Variants in RXRA observed in about 807,000 individuals in gnomAD.
RXRA encodes the protein retinoic acid receptor RXR-alpha.
In RXRA, 5 loss-of-function variants were observed where a neutral mutation model predicts 44.5. That is an observed-to-expected ratio of 0.11 (90% CI 0.06 to 0.24). The LOEUF (loss-of-function observed/expected upper bound fraction) is 0.24, where lower values mean the gene tolerates loss of function less well. RXRA is among the 10% of genes least tolerant of loss of function. The pLI, the probability that RXRA is intolerant of heterozygous loss-of-function variation, is 1.00. For missense variants in RXRA, 412 were observed against 646.5 expected, an observed-to-expected ratio of 0.64 and a Z score of 3.93; for synonymous variants, 291 against 271.4, an observed-to-expected ratio of 1.07 and a Z score of -0.71.
chr9:134,416,964 C>T (rs376340875), intron 4 of RXRA, among the ~76,000 whole-genome samples, 194 bp from the exon 5 acceptor site: 2 of 152,314 alleles, frequency 1.3e-5, no homozygotes, highest in East Asian at 1.9e-4. Flanking sequence ...GAGTTGGCCT[C>T]TGTTCTCAGA....
At position 134,409,134 on chromosome 9, in the gene RXRA, C is replaced by T. The variant is rs774221012; in HGVS notation, c.610+15C>T. The T allele has an allele frequency of 4.1e-5, 63 of 1,532,210 alleles. No homozygotes were observed. Among genetic ancestry groups the T allele is most frequent in the Admixed American group, 2.2e-4 (11 of 49,582 alleles). The allele number at this position is 1,532,210 out of a possible 1,614,324, so 94.9% of individuals were successfully genotyped here. On this transcript the variant is annotated intron_variant, in intron 4 of 9. Transcript: ENST00000481739. ...GAAGCGGGAAGGTAGGCCACGGCGTCGGGTGGGGGCGCGGGCAGGTGTTGG... is the reference window on the plus strand; with the variant it reads ...GAAGCGGGAAGGTAGGCCACGGCGTTGGGTGGGGGCGCGGGCAGGTGTTGG...
chr9:134,398,853 A>G (rs72768799), intron 1 of RXRA, among the ~76,000 whole-genome samples: 1,838 of 152,360 alleles, frequency 0.012, 15 homozygotes, highest in Non-Finnish European at 0.021. Context: ...CGGCTTCTGA[A>G]TGCAGTGCTG....
intron 1 of RXRA, among the ~76,000 whole-genome samples, chr9:134,384,449 C>T (rs1830690286): frequency 6.6e-6 from 1 of 152,214 alleles, no homozygotes; most frequent in Admixed American, 6.5e-5. Context: ...GCAGTGGAGA[C>T]ACCAGCAAGC....
chr9:134,374,391 T>C (rs1189680428), intron 1 of RXRA, among the ~76,000 whole-genome samples: 1 of 152,212 alleles, frequency 6.6e-6, no homozygotes, highest in East Asian at 1.9e-4. Flanking sequence ...AGGGTGGCTC[T>C]GGTCCCCAGC....
At chr9:134,386,537 G>A (rs1049160506) in intron 1 of RXRA, among the ~76,000 whole-genome samples, 1 of 152,210 alleles carries the variant, frequency 6.6e-6, no homozygotes, top group African/African-American at 2.4e-5. Flanking sequence ...GGGAGGTATG[G>A]GGGCCAGGTC....
intron 1 of RXRA, among the ~76,000 whole-genome samples, chr9:134,346,359 C>T (rs1830151856): frequency 6.6e-6 from 1 of 152,176 alleles, no homozygotes; most frequent in South Asian, 2.1e-4. Flanking sequence ...CCCAAATGCC[C>T]TTCTGCCGTT....
At chr9:134,386,832 G>A (rs1830727798) in intron 1 of RXRA, among the ~76,000 whole-genome samples, 2 of 152,184 alleles carry the variant, frequency 1.3e-5, no homozygotes, top group East Asian at 3.9e-4. Flanking sequence ...GGGAGCGTGG[G>A]TGGTTCTCCT....
chr9:134,327,897 G>C (rs1164058152), intron 1 of RXRA, among the ~76,000 whole-genome samples: 1 of 152,202 alleles, frequency 6.6e-6, no homozygotes, highest in African/African-American at 2.4e-5. Flanking sequence ...TGTCATGATG[G>C]AGTGGTGGGC....
chr9:134,407,765 T>C lies in RXRA; in HGVS notation c.280-384T>C, dbSNP rs1831078061. On this transcript the variant is annotated intron_variant, in intron 2 of 9. Transcript: ENST00000481739. The surrounding 1 kb of genome is among the most constrained non-coding windows in gnomAD (Gnocchi z 4.8). Reference sequence around the variant, plus strand: ...CCCAGAGTGCCTGCCTCATGGAGTGTCCGGGGGCACCCAGCGGGGCTGGGC... The same window carrying C: ...CCCAGAGTGCCTGCCTCATGGAGTGCCCGGGGGCACCCAGCGGGGCTGGGC... Among the ~76,000 whole-genome samples, 1 of 151,920 alleles carries C rather than the reference T, an allele frequency of 6.6e-6. No individual in the cohort carries two copies. The highest frequency in any genetic ancestry group is 2.4e-5 in the African/African-American group (1 of 41,354).
intron 2 of RXRA, chr9:134,402,746 C>G (rs763719958): frequency 6.6e-6 from 1 of 152,196 alleles, no homozygotes; most frequent in East Asian, 1.9e-4. Context: ...TCCACCTGGC[C>G]GGCCGGAACC....
chr9:134,430,488 A>C (rs527758432), intron 7 of RXRA, among the ~76,000 whole-genome samples: 4 of 152,342 alleles, frequency 2.6e-5, no homozygotes, highest in Admixed American at 1.3e-4. Context: ...CAGAGTCCCA[A>C]GGGTGATCCT....
At chr9:134,412,741 G>A (rs1216159150) in intron 4 of RXRA, among the ~76,000 whole-genome samples, 1 of 152,156 alleles carries the variant, frequency 6.6e-6, no homozygotes, top group Non-Finnish European at 1.5e-5. Context: ...AGGGACACGT[G>A]CTCTGATGGG....
intron 1 of RXRA, among the ~76,000 whole-genome samples, chr9:134,357,779 A>AC (rs1830300450): frequency 6.6e-6 from 1 of 152,242 alleles, no homozygotes; most frequent in Non-Finnish European, 1.5e-5. Context: ...CCGGGAAATT[A>AC]CGTGTTCTTA....
chr9:134,389,436 G>C (rs1395715663), intron 1 of RXRA, among the ~76,000 whole-genome samples: 1 of 152,058 alleles, frequency 6.6e-6, no homozygotes, highest in Non-Finnish European at 1.5e-5. Context: ...CCCGGGCTGG[G>C]GGCTTTGGAC....
intron 1 of RXRA, among the ~76,000 whole-genome samples, chr9:134,338,429 A>G (rs187272951): frequency 2.0e-5 from 3 of 152,330 alleles, no homozygotes; most frequent in East Asian, 3.9e-4. Context: ...CCTCCAGCCC[A>G]AGTGGCACCT....
chr9:134,417,071 A>G lies in RXRA; in HGVS notation c.611-87A>G. On this transcript the variant is annotated intron_variant, in intron 4 of 9. Coordinates refer to ENST00000481739, the MANE Select transcript of RXRA (RefSeq NM_002957.6). The surrounding 1 kb of genome is among the most constrained non-coding windows in gnomAD (Gnocchi z 6.1). The stretch of plus-strand genomic sequence containing the variant: ...TGGTGTTGTGGGTGAGTTGGCTGGG[A>G]GCTGGCACCACCCGGCCAGGACAGC... 7.1e-7 allele frequency: 1 copy of G among 1,417,700 alleles called. No individual in the cohort carries two copies. The highest frequency in any genetic ancestry group is 9.5e-7 in the Non-Finnish European group (1 of 1,053,220). 87.8% of individuals were successfully genotyped at this position (1,417,700 alleles called of 1,614,324 possible). A position where few individuals can be genotyped will look rare whatever the true frequency, so the allele number is the denominator to read the frequency against.
intron 1 of RXRA, among the ~76,000 whole-genome samples, chr9:134,387,868 C>G (rs543518806): frequency 3.9e-5 from 6 of 152,174 alleles, no homozygotes; most frequent in African/African-American, 1.2e-4. Context: ...CGTGAAGGCC[C>G]GTTCCCAGCC....
chr9:134,422,380 C>T, intron 6 of RXRA: 1 of 1,275,428 alleles, frequency 7.8e-7, no homozygotes, highest in Non-Finnish European at 1.0e-6. Flanking sequence ...GGACACTCCC[C>T]CCTCCCGGGA....
chr9:134,339,881 GC>G (rs1830065305), intron 1 of RXRA, among the ~76,000 whole-genome samples: 1 of 151,548 alleles, frequency 6.6e-6, no homozygotes, highest in Non-Finnish European at 1.5e-5. Context: ...GAACATCCAT[GC>G]CCTTGTGTGA....
Sources: allele counts gnomAD v4.1 joint callset (sites outside exome capture counted in the v4.1 genomes callset), GRCh38; gene constraint gnomAD v4.1.1; non-coding constraint Gnocchi (gnomAD v3.1); transcripts MANE v1.5; gene names NCBI Gene and HGNC (gene_info 2026-07-23, HGNC 2026-07-21).